Variants in SIRT3 observed in about 807,000 individuals in gnomAD.
SIRT3 encodes the protein sirtuin 3.
A neutral mutation model predicts 33.5 loss-of-function variants in SIRT3; 26 were observed. The ratio of observed to expected loss-of-function variants is 0.78; its 90% CI spans 0.57 to 1.08. The LOEUF is 1.08. Among genes scored for constraint, SIRT3 ranks in the 50% least tolerant of loss-of-function variants. The probability of loss-of-function intolerance (pLI) is 0.00; values close to 1 mark genes in which losing one functional copy is unlikely to be tolerated. For synonymous variants in SIRT3, 237 were observed against 222.1 expected (o/e 1.07, Z -0.60); for missense variants, 585 against 530.1 (o/e 1.10, Z -1.02).
intron 5 of SIRT3, chr11:222,749 T>C: frequency 6.6e-6 from 1 of 152,652 alleles, no homozygotes; most frequent in Non-Finnish European, 1.5e-5. Context: ...TGCCCCACCT[T>C]CTTCTCTGCT....
intron 4 of SIRT3, 134 bp from the exon 5 acceptor site, chr11:224,373 AC>A: frequency 2.2e-6 from 2 of 919,612 alleles, no homozygotes; most frequent in Non-Finnish European, 3.2e-6. Flanking sequence ...ACCCCCATGT[AC>A]CCAGCTTCAG....
chr11:233,855 C>T (rs1261397334), intron 1 of SIRT3: 4 of 231,734 alleles, frequency 1.7e-5, no homozygotes, highest in Non-Finnish European at 3.4e-5. Context: ...CTAATGAAAA[C>T]TGGTTAAGGA....
intron 4 of SIRT3, 36 bp from the exon 5 acceptor site, chr11:224,275 C>A: frequency 6.9e-6 from 11 of 1,592,444 alleles, no homozygotes; most frequent in Non-Finnish European, 9.4e-6. Context: ...AGGAAGATGC[C>A]TGCAACACCC....
At chr11:222,760 C>A (rs1272571094) in intron 5 of SIRT3, 2 of 152,682 alleles carry the variant, frequency 1.3e-5, no homozygotes, top group African/African-American at 4.8e-5. Flanking sequence ...CTTCTCTGCT[C>A]CAGCCCCGTG....
chr11:236,080 C>G lies in SIRT3; in HGVS notation c.249G>C (p.Pro83=). 2 of 1,551,010 alleles carry G rather than the reference C, an allele frequency of 1.3e-6. No homozygotes were observed. The highest frequency in any genetic ancestry group is 1.7e-6 in the Non-Finnish European group (2 of 1,149,036). Residue 83 remains proline (P), a synonymous_variant, in exon 1 of 7, where the codon CCG becomes CCC. Transcript: ENST00000382743. ...PEVPRAFRRQ[P]RAAAPSFFFS... is the part of the protein sequence containing the mutation. ...AGAAGAAACTGGGAGCTGCTGCCCT[C>G]GGCTGCCTCCGGAATGCCCTGGGCA...
chr11:236,022 G>A lies in SIRT3; in HGVS notation c.281+26C>T, dbSNP rs773361297. ...CGAGGTGTCGACAACGAACACGCAAGAAGTGCTTGTCCTTGCCCAAAATAC... is the reference window on the plus strand; with the variant it reads ...CGAGGTGTCGACAACGAACACGCAAAAAGTGCTTGTCCTTGCCCAAAATAC... On this transcript the variant is annotated intron_variant, in intron 1 of 6. Transcript: ENST00000382743. 1.1e-5 allele frequency: 16 copies of A among 1,463,674 alleles called. No individual in the cohort carries two copies. The Middle Eastern group carries it at 9.0e-4, about 82-fold the overall frequency. 90.7% of individuals were successfully genotyped at this position (1,463,674 alleles called of 1,614,324 possible). A position where few individuals can be genotyped will look rare whatever the true frequency, so the allele number is the denominator to read the frequency against.
chr11:221,615 G>A (rs559978816), intron 5 of SIRT3, among the ~76,000 whole-genome samples: 2 of 152,268 alleles, frequency 1.3e-5, no homozygotes, highest in South Asian at 4.1e-4. Context: ...GATCTGGAGT[G>A]GTACTCCACA....
chr11:230,960 C>T (rs774071624), intron 3 of SIRT3, among the ~76,000 whole-genome samples: 8 of 152,056 alleles, frequency 5.3e-5, no homozygotes, highest in Non-Finnish European at 1.0e-4. Flanking sequence ...CGTACCTCTA[C>T]TAAAAATACA....
In SIRT3 at chr11:230,708, T is replaced by C; in HGVS notation, c.707-156A>G. 4.8e-6 allele frequency: 2 copies of C among 413,774 alleles called. 1 individual carries two copies. The highest frequency in any genetic ancestry group is 1.7e-4 in the South Asian group (2 of 11,548). 25.6% of individuals were successfully genotyped at this position (413,774 alleles called of 1,614,324 possible). On this transcript the variant is annotated intron_variant, in intron 3 of 6. Coordinates refer to ENST00000382743, the MANE Select transcript of SIRT3 (RefSeq NM_012239.6). ...GCCTGGTTTTCATGCCCGTATCACC[T>C]ACATGCGCCATCAACCAGAATAAGG...
chr11:218,017 T>G (rs1280971943), intron 6 of SIRT3, among the ~76,000 whole-genome samples: 1 of 152,128 alleles, frequency 6.6e-6, no homozygotes. Flanking sequence ...TGTAAGACAG[T>G]ACTTTGCTCC....
At chr11:228,696 C>G (rs1160171085) in intron 4 of SIRT3, among the ~76,000 whole-genome samples, 1 of 152,062 alleles carries the variant, frequency 6.6e-6, no homozygotes, top group Admixed American at 6.6e-5. Flanking sequence ...TACCATTTCT[C>G]AGATATGATT....
intron 5 of SIRT3, among the ~76,000 whole-genome samples, chr11:221,793 A>C (rs1304975365): frequency 6.6e-6 from 1 of 152,224 alleles, no homozygotes; most frequent in Non-Finnish European, 1.5e-5. Flanking sequence ...GCACATCTCC[A>C]TGGACTCACA....
At chr11:235,916 A>G in intron 1 of SIRT3, 132 bp downstream of exon 1, 1 of 982,746 alleles carries the variant, frequency 1.0e-6, no homozygotes. Flanking sequence ...ATCAGCATAA[A>G]GACGGAGGCC....
rs58113459 is a variant in SIRT3 at position 223,088 on chromosome 11, C to CCT, written c.969+988_969+989dup. On this transcript the variant is annotated intron_variant, in intron 5 of 6. Transcript: ENST00000382743. This position sits in a 1 kb window ranked among gnomAD's most constrained non-coding sequence, Gnocchi z 4.8. ...TGGGCCCCTGTGGCTGCCCTGGGCC[C>CCT]CTCTGAGCACAGGTCTTTCTGGCCC... is the stretch of plus-strand genomic sequence containing the variant. The CCT allele has an allele frequency of 0.015, 2,254 of 149,928 alleles. 56 individuals are homozygous for CCT. The highest frequency in any genetic ancestry group is 0.056 in the African/African-American group (2,118 of 38,160). 9.3% of individuals were successfully genotyped at this position (149,928 alleles called of 1,614,324 possible). A position where few individuals can be genotyped will look rare whatever the true frequency, so the allele number is the denominator to read the frequency against.
At chr11:233,303 G>A (rs1734493) in intron 2 of SIRT3, 40 bp downstream of exon 2, 2 of 1,603,610 alleles carry the variant, frequency 1.2e-6, no homozygotes, top group Admixed American at 1.7e-5. Flanking sequence ...AGGAGTCAGG[G>A]GAGGGGAGCG....
chr11:223,919 GGCC>G lies in SIRT3; in HGVS notation c.969+156_969+158del. The G allele has an allele frequency of 5.4e-6, 2 of 373,664 alleles. 1 individual carries two copies. Among genetic ancestry groups the G allele is most frequent in the Non-Finnish European group, 9.8e-6 (2 of 203,894 alleles). The allele number at this position is 373,664 out of a possible 1,614,324, so 23.1% of individuals were successfully genotyped here. On this transcript the variant is annotated intron_variant, in intron 5 of 6. Coordinates refer to ENST00000382743, the MANE Select transcript of SIRT3 (RefSeq NM_012239.6). This position sits in a 1 kb window ranked among gnomAD's most constrained non-coding sequence, Gnocchi z 4.8. ...TGCCCTCCAGCCTCCTCCCTGCACA[GGCC>G]TGCCGACAGCCCATGAGGTGACTCC...
intron 1 of SIRT3, among the ~76,000 whole-genome samples, chr11:234,248 A>G (rs1052709675): frequency 6.6e-5 from 10 of 152,252 alleles, no homozygotes; most frequent in African/African-American, 2.4e-4. Flanking sequence ...AGGGGCAGGC[A>G]TGGGTGCAAC....
intron 3 of SIRT3, 23 bp from the exon 4 acceptor site, chr11:230,575 G>A (rs201532395): frequency 1.8e-4 from 269 of 1,470,648 alleles, no homozygotes; most frequent in Non-Finnish European, 2.3e-4. Flanking sequence ...CCAAAGCGAA[G>A]TGTTGCTGCC....
chr11:229,901 G>T (rs1460791107), intron 4 of SIRT3, among the ~76,000 whole-genome samples: 2 of 152,202 alleles, frequency 1.3e-5, no homozygotes, highest in East Asian at 3.8e-4. Flanking sequence ...AGAGCAGAAA[G>T]GTGGGACAAC....
Sources: gnomAD v4.1 joint callset for allele counts (sites outside exome capture counted in the v4.1 genomes callset) on GRCh38, gnomAD v4.1.1 for gene constraint, Gnocchi (gnomAD v3.1) non-coding constraint, MANE v1.5 for transcripts, NCBI Gene and HGNC (gene_info 2026-07-23, HGNC 2026-07-21) for gene names.